Variants in CLUAP1 observed in about 807,000 individuals in gnomAD.
CLUAP1 encodes clusterin-associated protein 1.
CLUAP1 carries 50 observed loss-of-function variants against 55.0 expected under a neutral mutation model. The ratio of observed to expected loss-of-function variants is 0.91; its 90% CI spans 0.72 to 1.15. The LOEUF is 1.15. Ranked by LOEUF, CLUAP1 falls within the 50% of genes most tolerant of loss-of-function variation. The probability of loss-of-function intolerance (pLI) is 0.00; values close to 1 mark genes in which losing one functional copy is unlikely to be tolerated. For missense variants in CLUAP1, 530 were observed against 507.6 expected (o/e 1.04, Z -0.42); for synonymous variants, 195 against 175.4 (o/e 1.11, Z -0.88).
At chr16:3,504,169 A>C (rs1001339091) in intron 1 of CLUAP1, among the ~76,000 whole-genome samples, 2 of 152,152 alleles carry the variant, frequency 1.3e-5, no homozygotes, top group African/African-American at 2.4e-5. Context: ...CAACCACTCT[A>C]TTTAAGATTT....
Position 3,501,038 on chromosome 16 carries a change from C to T in CLUAP1, c.-30C>T, listed in dbSNP as rs765901773. 42 of 1,595,866 alleles carry T rather than the reference C, an allele frequency of 2.6e-5. No homozygotes were observed. Among genetic ancestry groups the T allele is most frequent in the Non-Finnish European group, 3.6e-5 (42 of 1,173,984 alleles). ...GTGATCGCTGAGGGGCGAGCAGTTG[C>T]GACCCTGGGCTCCTGGGGACCTGAG... On this transcript the variant is annotated 5_prime_UTR_variant, in exon 1 of 12. Coordinates refer to ENST00000576634, the MANE Select transcript of CLUAP1 (RefSeq NM_015041.3).
chr16:3,513,604 C>T (rs1163065980), intron 5 of CLUAP1, among the ~76,000 whole-genome samples: 1 of 152,048 alleles, frequency 6.6e-6, no homozygotes, highest in Non-Finnish European at 1.5e-5. Flanking sequence ...TATGTGTCAC[C>T]ACACCCGGCT....
At chr16:3,503,185 A>T (rs2037440164) in intron 1 of CLUAP1, among the ~76,000 whole-genome samples, 1 of 151,418 alleles carries the variant, frequency 6.6e-6, no homozygotes, top group Non-Finnish European at 1.5e-5. Context: ...TTTTTTTGAG[A>T]TGGAGTCTCG....
Position 3,523,155 on chromosome 16 carries a change from T to A in CLUAP1, c.714-3T>A. The A allele has an allele frequency of 6.2e-7, 1 of 1,607,372 alleles. No individual in the cohort carries two copies. The highest frequency in any genetic ancestry group is 8.5e-7 in the Non-Finnish European group (1 of 1,177,818). On this transcript the variant is annotated splice_region_variant and splice_polypyrimidine_tract_variant and intron_variant, in intron 7 of 11. Coordinates refer to ENST00000576634, the MANE Select transcript of CLUAP1 (RefSeq NM_015041.3). ...TCCTTTTTATTTCATTTGCTTCTTT[T>A]AGGCCATGTTTTATGGATGAGTATG... is the stretch of plus-strand genomic sequence containing the variant.
intron 4 of CLUAP1, 142 bp downstream of exon 4, chr16:3,508,610 G>A: frequency 1.5e-6 from 1 of 657,552 alleles, no homozygotes; most frequent in Non-Finnish European, 2.4e-6. Flanking sequence ...ATCAGCATTT[G>A]GATAAAGTCA....
chr16:3,506,359 GA>G lies in CLUAP1; in HGVS notation c.164del (p.Asp55AlafsTer25), dbSNP rs547933889. On this transcript the variant is annotated frameshift_variant, in exon 3 of 12. Coordinates refer to ENST00000576634, the MANE Select transcript of CLUAP1 (RefSeq NM_015041.3). LOFTEE classifies it high-confidence loss of function. The part of the protein sequence containing the change: ...RYEPQTDIPP[D>X]VDTEQDRVFF... The stretch of plus-strand genomic sequence containing the variant: ...TGAGCCCCAGACTGACATCCCGCCT[GA>G]CGTGGATACTGAACAGGACCGAGTT... 6.2e-7 allele frequency: 1 copy of G among 1,614,040 alleles called. No individual in the cohort carries two copies. The highest frequency in any genetic ancestry group is 1.1e-5 in the South Asian group (1 of 91,082).
rs190563497 is a variant in CLUAP1, at chr16:3,515,412, G to T, written c.496-96G>T. The T allele has an allele frequency of 7.4e-6, 6 of 815,940 alleles. No homozygotes were observed. The African/African-American group carries it at 9.1e-5, about 12-fold the overall frequency. 50.5% of individuals were successfully genotyped at this position (815,940 alleles called of 1,614,324 possible). A position where few individuals can be genotyped will look rare whatever the true frequency, so the allele number is the denominator to read the frequency against. The stretch of plus-strand genomic sequence containing the variant: ...AGAGATCCACATGGCAATAAACTTC[G>T]GAGAATCAGTCTATAAGGCACATCT... On this transcript the variant is annotated intron_variant, in intron 5 of 11. Coordinates refer to ENST00000576634, the MANE Select transcript of CLUAP1 (RefSeq NM_015041.3).
intron 11 of CLUAP1, chr16:3,535,835 T>G (rs1372105325): frequency 1.0e-5 from 4 of 382,698 alleles, no homozygotes; most frequent in Non-Finnish European, 4.8e-6. Context: ...CCAGTGGCCC[T>G]CAGCGCAGAT....
In CLUAP1 at chr16:3,530,682, C is replaced by G. The variant is rs373121944; in HGVS notation, c.1036+7C>G. The G allele has an allele frequency of 1.6e-5, 25 of 1,610,578 alleles. No individual in the cohort carries two copies. Among genetic ancestry groups the G allele is most frequent in the Non-Finnish European group, 2.1e-5 (25 of 1,177,214 alleles). ...ATGGAGATGCTCATGCAAGGTACCC[C>G]GGCGTCTTTCGCTGGACTTCCTCCC... On this transcript the variant is annotated splice_region_variant and intron_variant, in intron 10 of 11. Coordinates refer to ENST00000576634, the MANE Select transcript of CLUAP1 (RefSeq NM_015041.3).
At chr16:3,504,140 T>C (rs1053023217) in intron 1 of CLUAP1, among the ~76,000 whole-genome samples, 7 of 152,224 alleles carry the variant, frequency 4.6e-5, no homozygotes, top group Non-Finnish European at 1.0e-4. Context: ...ATAGTAAATC[T>C]AAATATGGTT....
At chr16:3,501,532 C>A (rs2037402132) in intron 1 of CLUAP1, among the ~76,000 whole-genome samples, 1 of 152,168 alleles carries the variant, frequency 6.6e-6, no homozygotes, top group Admixed American at 6.5e-5. Flanking sequence ...CCCGTAAGCC[C>A]AACACTTTGG....
chr16:3,512,355 G>A, intron 4 of CLUAP1, 28 bp from the exon 5 acceptor site: 2 of 1,563,400 alleles, frequency 1.3e-6, no homozygotes, highest in East Asian at 2.2e-5. Context: ...TGTTGCTGAG[G>A]TTTCTGTTTT....
At chr16:3,519,577 T>C (rs1291963871) in intron 6 of CLUAP1, among the ~76,000 whole-genome samples, 1 of 152,212 alleles carries the variant, frequency 6.6e-6, no homozygotes, top group Non-Finnish European at 1.5e-5. Flanking sequence ...ATGTGCACCT[T>C]GTTCTAACCG....
intron 5 of CLUAP1, among the ~76,000 whole-genome samples, chr16:3,514,342 T>C (rs186457578): frequency 1.3e-5 from 2 of 152,314 alleles, no homozygotes; most frequent in Non-Finnish European, 2.9e-5. Flanking sequence ...CTGTGTGTAG[T>C]CATGATCCGA....
chr16:3,517,948 A>G (rs903775409), intron 6 of CLUAP1, among the ~76,000 whole-genome samples: 12 of 152,156 alleles, frequency 7.9e-5, no homozygotes, highest in African/African-American at 1.7e-4. Context: ...GGCAGCTCCT[A>G]TCTGCTGTTG....
Position 3,508,349 on chromosome 16 carries a change from G to C in CLUAP1, c.280G>C (p.Val94Leu). 1 of 1,610,532 alleles carries C rather than the reference G, an allele frequency of 6.2e-7. No homozygotes were observed. Residue 94 changes from valine to leucine, a missense_variant, in exon 4 of 12, where the codon GTA becomes CTA. By Grantham distance (32) the Val-to-Leu change is conservative. Transcript: ENST00000576634. ...GCTTTATCAAGCAGATGGGTATGCG[G>C]TAAAAGAGCTGCTGAAGATCACATC... ...KKLYQADGYA[V>L]KELLKITSVL...
intron 6 of CLUAP1, among the ~76,000 whole-genome samples, chr16:3,516,911 G>A (rs1205724185): frequency 2.0e-5 from 3 of 152,126 alleles, no homozygotes; most frequent in Non-Finnish European, 4.4e-5. Flanking sequence ...TTGGAAGCAT[G>A]CAGAAGCCAA....
chr16:3,516,470 A>G (rs1038456790), intron 6 of CLUAP1, among the ~76,000 whole-genome samples: 2 of 152,198 alleles, frequency 1.3e-5, no homozygotes, highest in African/African-American at 4.8e-5. Flanking sequence ...GATTGGTGAC[A>G]GATAGGCAGA....
At chr16:3,497,594 G>T (rs4268749), upstream of CLUAP1, among the ~76,000 whole-genome samples, 9,237 of 152,118 alleles carry the variant, frequency 0.061, 555 homozygotes, top group African/African-American at 0.15. Context: ...TATTTACAGA[G>T]AAAATATTTA....
Sources: gnomAD v4.1 joint callset for allele counts (sites outside exome capture counted in the v4.1 genomes callset) on GRCh38, gnomAD v4.1.1 for gene constraint, MANE v1.5 for transcripts, NCBI Gene and HGNC (gene_info 2026-07-23, HGNC 2026-07-21) for gene names.